The following TMOD2 variants were observed in gnomAD, a reference collection of about 807,000 sequenced individuals.
TMOD2 encodes tropomodulin-2.
TMOD2 carries 22 observed loss-of-function variants against 39.9 expected under a neutral mutation model. That is an observed-to-expected ratio of 0.55 (90% CI 0.39 to 0.79). The LOEUF is 0.79. Among genes scored for constraint, TMOD2 ranks in the 30% least tolerant of loss-of-function variants. The pLI, the probability that TMOD2 is intolerant of heterozygous loss-of-function variation, is 0.00. For synonymous variants in TMOD2, 123 were observed against 146.1 expected (o/e 0.84, Z 1.14); for missense variants, 386 against 413.3 (o/e 0.93, Z 0.57).
intron 1 of TMOD2, among the ~76,000 whole-genome samples, chr15:51,761,072 G>C (rs1477309207): frequency 6.6e-6 from 1 of 152,174 alleles, no homozygotes; most frequent in Non-Finnish European, 1.5e-5. Flanking sequence ...GGACAAGAGG[G>C]AGCCATTGTA....
At chr15:51,762,148 C>CAAA (rs567619134) in intron 1 of TMOD2, among the ~76,000 whole-genome samples, 1 of 124,306 alleles carries the variant, frequency 8.0e-6, no homozygotes, top group Admixed American at 8.3e-5. Context: ...GACTCTGCCT[C>CAAA]AAAAAAAAAA....
At position 51,811,068 on chromosome 15, in the gene TMOD2, C is replaced by T. The variant is rs569550256; in HGVS notation, c.*2614C>T. 1 of 152,216 alleles carries T rather than the reference C, an allele frequency of 6.6e-6. No homozygotes were observed. The highest frequency in any genetic ancestry group is 6.5e-5 in the Admixed American group (1 of 15,284). The allele number at this position is 152,216 out of a possible 1,614,324, so 9.4% of individuals were successfully genotyped here. A position where few individuals can be genotyped will look rare whatever the true frequency, so the allele number is the denominator to read the frequency against. On this transcript the variant is annotated 3_prime_UTR_variant, in exon 10 of 10. Transcript: ENST00000249700. ...TGTTTTTTACTAATCAGTTTGTTTT[C>T]TTATTACCTGTGTTTTTAAAGTGGC... is the stretch of plus-strand genomic sequence containing the variant.
chr15:51,794,841 C>T (rs1307875641), intron 7 of TMOD2, among the ~76,000 whole-genome samples: 2 of 152,084 alleles, frequency 1.3e-5, no homozygotes, highest in African/African-American at 2.4e-5. Context: ...CTTCCACTTC[C>T]AAATTGTAGA....
rs1192109514 is a variant in TMOD2, at chr15:51,806,402, A to G, written c.902A>G (p.Glu301Gly). ...AGGCAGCAGTTGGGAACAGCTGTAG[A>G]GATGGAAATTGCCCAGATGCTGGAG... Reference protein sequence around the residue: ...NQRQQLGTAVEMEIAQMLEEN... With the variant: ...NQRQQLGTAVGMEIAQMLEEN... The change falls in exon 9 of 10, where the codon GAG becomes GGG. Residue 301 changes from glutamate to glycine, a missense_variant. By Grantham distance (98) the Glu-to-Gly change is moderately conservative. Coordinates refer to ENST00000249700, the MANE Select transcript of TMOD2 (RefSeq NM_014548.4). The G allele has an allele frequency of 1.2e-6, 2 of 1,614,202 alleles. No individual in the cohort carries two copies. Among genetic ancestry groups the G allele is most frequent in the South Asian group, 2.2e-5 (2 of 91,090 alleles).
Position 51,766,429 on chromosome 15 carries a change from C to G in TMOD2, c.-13C>G, listed in dbSNP as rs1373829283. ...AAATGTGCATGGCCCATGAGAAAGG[C>G]TTATAAGAAGCCATGGCACTCCCCT... On this transcript the variant is annotated 5_prime_UTR_variant, in exon 2 of 10. Transcript: ENST00000249700. 1 of 1,613,000 alleles carries G rather than the reference C, an allele frequency of 6.2e-7. No individual in the cohort carries two copies.
intron 7 of TMOD2, among the ~76,000 whole-genome samples, chr15:51,795,194 G>A (rs2056039120): frequency 6.6e-6 from 1 of 152,180 alleles, no homozygotes; most frequent in South Asian, 2.1e-4. Context: ...GCCAGGGCTA[G>A]TGGATCACCT....
chr15:51,802,574 C>G (rs1218732449), intron 8 of TMOD2, among the ~76,000 whole-genome samples: 1 of 152,202 alleles, frequency 6.6e-6, no homozygotes, highest in African/African-American at 2.4e-5. Context: ...TAACTTTGGA[C>G]CACTGCATTA....
Position 51,773,816 on chromosome 15 carries a change from G to T in TMOD2, c.388G>T (p.Glu130Ter). The T allele has an allele frequency of 6.2e-7, 1 of 1,611,054 alleles. No homozygotes were observed. Among genetic ancestry groups the T allele is most frequent in the Non-Finnish European group, 8.5e-7 (1 of 1,179,038 alleles). ...EEALASASDTELYDLAAVLGV... is the reference protein window; with the variant it reads ...EEALASASDT Reference sequence around the variant, plus strand: ...AGCTTTGGCCAGTGCCTCTGACACCGAACTCTATGATCTTGCAGGTTAGTC... The same window carrying T: ...AGCTTTGGCCAGTGCCTCTGACACCTAACTCTATGATCTTGCAGGTTAGTC... The change falls in exon 4 of 10, where the codon GAA (glutamate) becomes TAA (stop). Residue 130 changes from glutamate to a stop codon, truncating the protein, a stop_gained. Coordinates refer to ENST00000249700, the MANE Select transcript of TMOD2 (RefSeq NM_014548.4). LOFTEE classifies it high-confidence loss of function.
intron 2 of TMOD2, among the ~76,000 whole-genome samples, chr15:51,767,786 TTA>T (rs2055825798): frequency 6.6e-6 from 1 of 152,238 alleles, no homozygotes; most frequent in African/African-American, 2.4e-5. Context: ...TGTTGTTTTT[TTA>T]AATTAAGGAA....
At chr15:51,760,223 ATTC>A (rs1248704632) in intron 1 of TMOD2, among the ~76,000 whole-genome samples, 11 of 152,218 alleles carry the variant, frequency 7.2e-5, no homozygotes, top group African/African-American at 2.4e-4. Flanking sequence ...ATACAAACTT[ATTC>A]TTACTTTTGT....
intron 4 of TMOD2, among the ~76,000 whole-genome samples, chr15:51,775,686 T>G (rs1380306299): frequency 6.6e-6 from 1 of 150,752 alleles, no homozygotes; most frequent in Non-Finnish European, 1.5e-5. Flanking sequence ...CAAGCGATTC[T>G]TCTGCCTCAG....
rs960966306 is a variant in TMOD2 at position 51,781,114 on chromosome 15, C to T, written c.564C>T (p.Ser188=). 1.2e-6 allele frequency: 2 copies of T among 1,612,686 alleles called. No individual in the cohort carries two copies. Among genetic ancestry groups the T allele is most frequent in the Non-Finnish European group, 8.5e-7 (1 of 1,179,542 alleles). Residue 188 remains serine (S), a synonymous_variant, in exon 6 of 10, where the codon AGC becomes AGT. Transcript: ENST00000249700. Reference sequence around the variant, plus strand: ...CAAATCCCACAAATGTGGAAATAAGCCTGCAGCAGATGAAAGCCAATGATC... The same window carrying T: ...CAAATCCCACAAATGTGGAAATAAGTCTGCAGCAGATGAAAGCCAATGATC... ...EPPNPTNVEI[S]LQQMKANDPS... is the part of the protein sequence containing the mutation.
chr15:51,805,731 G>T (rs2056117722), intron 8 of TMOD2, among the ~76,000 whole-genome samples: 1 of 151,998 alleles, frequency 6.6e-6, no homozygotes, highest in South Asian at 2.1e-4. Context: ...GTATGCCTGG[G>T]TCATAATATC....
At chr15:51,782,987 G>T in intron 7 of TMOD2, 159 bp downstream of exon 7, 2 of 610,566 alleles carry the variant, frequency 3.3e-6, no homozygotes, top group Non-Finnish European at 5.7e-6. Flanking sequence ...TTAAACTTCA[G>T]AACTGAACTG....
At chr15:51,753,221 C>T (rs944039892) in intron 1 of TMOD2, among the ~76,000 whole-genome samples, 1 of 152,190 alleles carries the variant, frequency 6.6e-6, no homozygotes, top group Non-Finnish European at 1.5e-5. Context: ...GACTTACCAA[C>T]TGGTCCAAAA....
intron 6 of TMOD2, among the ~76,000 whole-genome samples, chr15:51,781,929 T>C (rs972618559): frequency 3.3e-5 from 5 of 152,202 alleles, no homozygotes; most frequent in African/African-American, 1.2e-4. Context: ...GAGTACTTAC[T>C]ATGTGCCATG....
At chr15:51,773,332 T>A (rs1004957595) in intron 3 of TMOD2, among the ~76,000 whole-genome samples, 4 of 152,164 alleles carry the variant, frequency 2.6e-5, no homozygotes. Context: ...GTTCCTCCCC[T>A]GGAGGGGAGA....
In TMOD2 at chr15:51,778,747, T is replaced by G. The variant is rs187964831; in HGVS notation, c.493+1729T>G. 3.5e-3 allele frequency among the ~76,000 whole-genome samples: 480 copies of G among 138,832 alleles called. 16 individuals are homozygous for G. In the East Asian group the frequency reaches 0.094, roughly 27 times the overall value. The allele number at this position is 138,832 out of a possible 152,430, so 91.1% of individuals were successfully genotyped here. A position where few individuals can be genotyped will look rare whatever the true frequency, so the allele number is the denominator to read the frequency against. On this transcript the variant is annotated intron_variant, in intron 5 of 9. Transcript: ENST00000249700. ...TCGGCTCACTGCAACCTCCACCTCC[T>G]GGGTTCAAGCGATTCTCCTGCCTCA...
At chr15:51,768,967 C>A (rs2141618726) in intron 3 of TMOD2, among the ~76,000 whole-genome samples, 1 of 152,340 alleles carries the variant, frequency 6.6e-6, no homozygotes, top group South Asian at 2.1e-4. Context: ...AGATGTGTAA[C>A]ACCAAGAGTG....
Sources: allele counts gnomAD v4.1 joint callset (sites outside exome capture counted in the v4.1 genomes callset), GRCh38; gene constraint gnomAD v4.1.1; transcripts MANE v1.5; gene names NCBI Gene and HGNC (gene_info 2026-07-23, HGNC 2026-07-21).